LRRC4C: variants seen among roughly 807,000 people sequenced by gnomAD.
LRRC4C encodes leucine-rich repeat-containing protein 4C.
Under a neutral mutation model 33.6 loss-of-function variants are expected in LRRC4C, and 5 were observed. The ratio of observed to expected loss-of-function variants is 0.15; its 90% CI spans 0.08 to 0.31. The LOEUF (loss-of-function observed/expected upper bound fraction) is 0.31, where lower values mean the gene tolerates loss of function less well. Among genes scored for constraint, LRRC4C ranks in the 10% least tolerant of loss-of-function variants. LRRC4C has a pLI of 1.00. For synonymous variants in LRRC4C, 329 were observed against 302.0 expected (o/e 1.09, Z -0.93); for missense variants, 560 against 796.7 (o/e 0.70, Z 3.58).
chr11:40,543,873 A>G (rs1324704957), intron 3 of LRRC4C, among the ~76,000 whole-genome samples: 2 of 152,182 alleles, frequency 1.3e-5, no homozygotes, highest in African/African-American at 4.8e-5. Flanking sequence ...GTGTATTACT[A>G]TAGATGTGAG....
intron 2 of LRRC4C, among the ~76,000 whole-genome samples, chr11:40,852,631 A>G (rs1953565819): frequency 6.6e-6 from 1 of 152,182 alleles, no homozygotes; most frequent in African/African-American, 2.4e-5. Context: ...GATTAGGAGA[A>G]TCCAATTTAC....
At chr11:40,717,094 CTT>C (rs1946764530) in intron 2 of LRRC4C, among the ~76,000 whole-genome samples, 1 of 152,162 alleles carries the variant, frequency 6.6e-6, no homozygotes, top group Non-Finnish European at 1.5e-5. Context: ...ACGAGGTTCT[CTT>C]TTGTCCTCCA....
intron 3 of LRRC4C, among the ~76,000 whole-genome samples, chr11:40,481,500 G>C (rs1453058905): frequency 6.6e-6 from 1 of 152,086 alleles, no homozygotes; most frequent in Admixed American, 6.5e-5. Flanking sequence ...CAGGTGGATA[G>C]GGGCCTAACT....
At chr11:40,925,662 C>T (rs796403418) in intron 2 of LRRC4C, among the ~76,000 whole-genome samples, 4 of 152,200 alleles carry the variant, frequency 2.6e-5, no homozygotes, top group African/African-American at 9.6e-5. Flanking sequence ...TAGAGCACAG[C>T]GTTTGGGTTT....
intron 2 of LRRC4C, among the ~76,000 whole-genome samples, chr11:40,757,932 TA>T (rs1212236997): frequency 6.6e-6 from 1 of 152,064 alleles, no homozygotes; most frequent in African/African-American, 2.4e-5. Context: ...ATACTTTTGT[TA>T]TTTTATACAT....
intron 4 of LRRC4C, among the ~76,000 whole-genome samples, chr11:40,278,108 A>G (rs906948903): frequency 1.3e-5 from 2 of 152,198 alleles, no homozygotes; most frequent in African/African-American, 4.8e-5. Flanking sequence ...AGTGTTCCCA[A>G]TATGGAACAC....
At chr11:40,295,641 G>A (rs937049714) in intron 4 of LRRC4C, among the ~76,000 whole-genome samples, 1 of 152,232 alleles carries the variant, frequency 6.6e-6, no homozygotes, top group East Asian at 1.9e-4. Flanking sequence ...TGCATACTGA[G>A]AGCATGCTGT....
intron 2 of LRRC4C, among the ~76,000 whole-genome samples, chr11:40,766,044 C>A: frequency 6.8e-6 from 1 of 146,860 alleles, no homozygotes; most frequent in African/African-American, 2.5e-5. Flanking sequence ...ATCAAACTCC[C>A]AAAGGTCAAA....
At chr11:40,637,911 A>G (rs1941852090) in intron 3 of LRRC4C, among the ~76,000 whole-genome samples, 1 of 152,134 alleles carries the variant, frequency 6.6e-6, no homozygotes, top group African/African-American at 2.4e-5. Context: ...AGGACTGGCT[A>G]ATCTATAGTA....
At chr11:40,619,048 A>G (rs1015048048) in intron 3 of LRRC4C, among the ~76,000 whole-genome samples, 5 of 151,720 alleles carry the variant, frequency 3.3e-5, no homozygotes, top group Non-Finnish European at 7.4e-5. Context: ...GCACAGAAAG[A>G]CAAACATCAC....
intron 1 of LRRC4C, among the ~76,000 whole-genome samples, chr11:41,075,027 T>TTTTTTTTTTATTTTTTTTTTTTA (rs60614308): frequency 2.1e-4 from 22 of 102,906 alleles, no homozygotes; most frequent in South Asian, 1.1e-3. Flanking sequence ...TTTTTTTTTT[T>TTTTTTTTTTATTTTTTTTTTTTA]TTTTTTTTTA....
At chr11:40,635,120 A>G (rs1299140152) in intron 3 of LRRC4C, among the ~76,000 whole-genome samples, 1 of 152,156 alleles carries the variant, frequency 6.6e-6, no homozygotes, top group East Asian at 1.9e-4. Context: ...CTCCAGGCAA[A>G]ATAACAAAGC....
At position 40,432,354 on chromosome 11, in the gene LRRC4C, T is replaced by A. The variant is rs529156438; in HGVS notation, c.-269-112633A>T. 2.1e-3 allele frequency among the ~76,000 whole-genome samples: 325 copies of A among 152,354 alleles called. 1 individual carries two copies. The highest frequency in any genetic ancestry group is 7.5e-3 in the African/African-American group (310 of 41,578). On this transcript the variant is annotated intron_variant, in intron 3 of 6. Transcript: ENST00000528697. ...TTCCAATCTCTCCCTATGTACTGGT[T>A]ACTCACAGTATATAATGTTATAACA...
intron 1 of LRRC4C, among the ~76,000 whole-genome samples, chr11:41,258,087 A>G (rs920887826): frequency 1.8e-4 from 28 of 152,002 alleles, no homozygotes; most frequent in African/African-American, 6.5e-4. Flanking sequence ...TCAGTATACA[A>G]AAAAAGAATA....
intron 3 of LRRC4C, among the ~76,000 whole-genome samples, chr11:40,556,189 T>A (rs969477131): frequency 6.6e-6 from 1 of 152,238 alleles, no homozygotes; most frequent in Non-Finnish European, 1.5e-5. Flanking sequence ...ATTTAAGCCA[T>A]AGCAAGAAAT....
At chr11:41,287,528 CT>C (rs147452444) in intron 1 of LRRC4C, among the ~76,000 whole-genome samples, 1,694 of 152,180 alleles carry the variant, frequency 0.011, 25 homozygotes, top group South Asian at 0.04. Flanking sequence ...CTATAGGGAT[CT>C]TTTCTTTTTC....
At chr11:40,855,344 AT>A (rs1216185731) in intron 2 of LRRC4C, among the ~76,000 whole-genome samples, 1 of 152,200 alleles carries the variant, frequency 6.6e-6, no homozygotes, top group African/African-American at 2.4e-5. Context: ...TAGGTCTATT[AT>A]TCATCCCTTC....
chr11:41,013,422 C>A (rs971870114), intron 1 of LRRC4C, among the ~76,000 whole-genome samples: 3 of 152,086 alleles, frequency 2.0e-5, no homozygotes, highest in Non-Finnish European at 4.4e-5. Context: ...TCTGTTCTCC[C>A]AATTATTAAT....
chr11:41,139,527 G>GA (rs2135897132), intron 1 of LRRC4C, among the ~76,000 whole-genome samples: 1 of 152,296 alleles, frequency 6.6e-6, no homozygotes, highest in East Asian at 1.9e-4. Flanking sequence ...TGGCAAGTGA[G>GA]AAAGCGTAAA....
Sources: gnomAD v4.1 joint callset for allele counts (sites outside exome capture counted in the v4.1 genomes callset) on GRCh38, gnomAD v4.1.1 for gene constraint, MANE v1.5 for transcripts, NCBI Gene and HGNC (gene_info 2026-07-23, HGNC 2026-07-21) for gene names.